Variants in ZNF362 observed in about 807,000 individuals in gnomAD.
The protein encoded by ZNF362 is zinc finger protein 362.
ZNF362 carries 11 observed loss-of-function variants against 42.9 expected under a neutral mutation model. The observed-to-expected ratio is 0.26, with a 90% CI of 0.16 to 0.42. The LOEUF (loss-of-function observed/expected upper bound fraction) is 0.42. Among genes scored for constraint, ZNF362 ranks in the 20% least tolerant of loss-of-function variants. The pLI, the probability that ZNF362 is intolerant of heterozygous loss-of-function variation, is 1.00. For synonymous variants in ZNF362, 255 were observed against 257.3 expected (o/e 0.99, Z 0.09); for missense variants, 362 against 576.2 (o/e 0.63, Z 3.81).
At position 33,294,939 on chromosome 1, in the gene ZNF362, T is replaced by C; in HGVS notation, c.911T>C (p.Ile304Thr). The change falls in exon 7 of 9, where the codon ATC (isoleucine) becomes ACC (threonine). Residue 304 changes from isoleucine to threonine, a missense_variant and splice_region_variant. By Grantham distance (89) the Ile-to-Thr change is moderately conservative. This residue lies in a region of ZNF362 where 28 missense variants were observed against 103.4 expected (regional missense o/e 0.27). Coordinates refer to ENST00000539719, the MANE Select transcript of ZNF362 (RefSeq NM_152493.3). This position sits in a 1 kb window ranked among gnomAD's most constrained non-coding sequence, Gnocchi z 4.2. ...CCTTACTGGGCTGCCCATTACAGAA[T>C]CCACACAGGCGACAGACCCTACAAG... Reference protein sequence around the residue: ...QLSHLQQHTRIHTGDRPYKCP... With the variant: ...QLSHLQQHTRTHTGDRPYKCP... 1 of 1,613,902 alleles carries C rather than the reference T, an allele frequency of 6.2e-7. No homozygotes were observed. The highest frequency in any genetic ancestry group is 8.5e-7 in the Non-Finnish European group (1 of 1,179,936).
At chr1:33,223,990 C>A in the ZNF362 span, among the ~76,000 whole-genome samples, 4 of 151,644 alleles carry the variant, frequency 2.6e-5, no homozygotes, top group Admixed American at 6.6e-5. Flanking sequence ...CTACCTGTCA[C>A]AAATAAAAGT....
At chr1:33,236,429 C>T in the ZNF362 span, among the ~76,000 whole-genome samples, 1 of 147,304 alleles carries the variant, frequency 6.8e-6, no homozygotes, top group Admixed American at 6.8e-5. Flanking sequence ...ACAGTCCTAG[C>T]TAGCTAGCTA....
the ZNF362 span, among the ~76,000 whole-genome samples, chr1:33,129,321 C>A: frequency 6.6e-6 from 1 of 152,176 alleles, no homozygotes; most frequent in African/African-American, 2.4e-5. The surrounding 1 kb of genome is among the most constrained non-coding windows in gnomAD (Gnocchi z 4.1). Context: ...ACCACTACAA[C>A]TCTGATTGGA....
the ZNF362 span, among the ~76,000 whole-genome samples, chr1:33,127,904 G>A: frequency 1.3e-5 from 2 of 152,052 alleles, no homozygotes; most frequent in Admixed American, 1.3e-4. Flanking sequence ...TGTGCAGTGC[G>A]TCTTAATGAC....
chr1:33,250,681 T>C, the ZNF362 span, among the ~76,000 whole-genome samples: 1 of 151,302 alleles, frequency 6.6e-6, no homozygotes, highest in Non-Finnish European at 1.5e-5. Flanking sequence ...CAAACCACCA[T>C]GGCACACATT....
chr1:33,232,373 T>C, the ZNF362 span, among the ~76,000 whole-genome samples: 2 of 152,278 alleles, frequency 1.3e-5, no homozygotes, highest in Non-Finnish European at 2.9e-5. Context: ...CAAGCGATTC[T>C]CCTGCCTCAG....
chr1:33,180,957 C>T, the ZNF362 span: 2 of 413,418 alleles, frequency 4.8e-6, no homozygotes, highest in African/African-American at 2.2e-5. Flanking sequence ...CAGCCCTGAC[C>T]CCACCCCCCG....
chr1:33,165,942 G>A, the ZNF362 span: 1 of 162,544 alleles, frequency 6.2e-6, no homozygotes, highest in East Asian at 1.7e-4. The surrounding 1 kb of genome is among the most constrained non-coding windows in gnomAD (Gnocchi z 4.0). Flanking sequence ...AGCTTGTTAG[G>A]AACCTGGACG....
At chr1:33,286,087 C>G (rs1258852424) in intron 6 of ZNF362, among the ~76,000 whole-genome samples, 2 of 152,014 alleles carry the variant, frequency 1.3e-5, no homozygotes, top group Non-Finnish European at 2.9e-5. Flanking sequence ...CAAAAAACAA[C>G]AAAAAAAGAA....
rs12093984 is a variant in ZNF362 at position 33,276,243 on chromosome 1, C to G, written c.102+80C>G. 8 of 1,591,170 alleles carry G rather than the reference C, an allele frequency of 5.0e-6. No individual in the cohort carries two copies. In the Admixed American group the frequency reaches 1.0e-4, roughly 20 times the overall value. On this transcript the variant is annotated intron_variant, in intron 3 of 8. Transcript: ENST00000539719. ...TCCCCTGGGTTTTGGCTGTGGCCTG[C>G]GGGGAGCGGGGTGAGGAGCGAGGGG...
the ZNF362 span, among the ~76,000 whole-genome samples, chr1:33,139,548 A>G: frequency 6.6e-6 from 1 of 152,208 alleles, no homozygotes; most frequent in African/African-American, 2.4e-5. Flanking sequence ...CAGTAAGGAA[A>G]AGGAGGGCAT....
the ZNF362 span, among the ~76,000 whole-genome samples, chr1:33,203,753 A>G: frequency 6.6e-6 from 1 of 152,228 alleles, no homozygotes; most frequent in Admixed American, 6.5e-5. Flanking sequence ...ACACGTATTG[A>G]CCATTTTAAT....
At chr1:33,150,018 C>T in the ZNF362 span, among the ~76,000 whole-genome samples, 1 of 152,204 alleles carries the variant, frequency 6.6e-6, no homozygotes, top group Non-Finnish European at 1.5e-5. Flanking sequence ...GCCACACCGG[C>T]TTAGCAGGTC....
At chr1:33,225,074 AC>A in the ZNF362 span, among the ~76,000 whole-genome samples, 2 of 152,176 alleles carry the variant, frequency 1.3e-5, no homozygotes. Flanking sequence ...TTAATTCTAG[AC>A]GTACTGGCTT....
the ZNF362 span, among the ~76,000 whole-genome samples, chr1:33,239,760 A>T: frequency 6.6e-6 from 1 of 152,194 alleles, no homozygotes; most frequent in Admixed American, 6.5e-5. Flanking sequence ...CGTGGAGATT[A>T]CAGGGATTAC....
upstream of ZNF362, among the ~76,000 whole-genome samples, chr1:33,256,054 C>T (rs1243793078): frequency 1.3e-5 from 2 of 151,538 alleles, no homozygotes; most frequent in African/African-American, 4.8e-5. Context: ...TGTCCTAGGG[C>T]CGGGCGCCGG....
chr1:33,147,082 G>T, the ZNF362 span: 1 of 1,413,420 alleles, frequency 7.1e-7, no homozygotes, highest in Non-Finnish European at 9.7e-7. This position sits in a 1 kb window ranked among gnomAD's most constrained non-coding sequence, Gnocchi z 8.1. Context: ...GTCTCCAGTG[G>T]CCACGGTGGG....
At chr1:33,243,719 C>G in the ZNF362 span, among the ~76,000 whole-genome samples, 16 of 151,852 alleles carry the variant, frequency 1.1e-4, no homozygotes, top group East Asian at 2.9e-3. Context: ...GCCTCAGCCT[C>G]CCGAATAGCT....
chr1:33,156,472 G>C, the ZNF362 span, among the ~76,000 whole-genome samples: 1 of 152,228 alleles, frequency 6.6e-6, no homozygotes, highest in African/African-American at 2.4e-5. Context: ...CTCTCTCCTG[G>C]AAATGCTTCC....
Sources: allele counts gnomAD v4.1 joint callset (sites outside exome capture counted in the v4.1 genomes callset), GRCh38; gene constraint gnomAD v4.1.1; regional missense constraint gnomAD v4.1.1; non-coding constraint Gnocchi (gnomAD v3.1); transcripts MANE v1.5; gene names NCBI Gene and HGNC (gene_info 2026-07-23, HGNC 2026-07-21).